The following ZSCAN5A variants were observed in gnomAD, a reference collection of about 807,000 sequenced individuals.
The protein encoded by ZSCAN5A is zinc finger and SCAN domain-containing protein 5A.
A neutral mutation model predicts 23.7 loss-of-function variants in ZSCAN5A; 12 were observed. That is an observed-to-expected ratio of 0.51 (90% confidence interval 0.32 to 0.82). The LOEUF (loss-of-function observed/expected upper bound fraction) is 0.82. Among genes scored for constraint, ZSCAN5A ranks in the 40% least tolerant of loss-of-function variants. The pLI, the probability that ZSCAN5A is intolerant of heterozygous loss-of-function variation, is 0.03. For missense variants in ZSCAN5A, 597 were observed against 617.9 expected (o/e 0.97, Z 0.36); for synonymous variants, 257 against 239.9 (o/e 1.07, Z -0.66).
intron 2 of ZSCAN5A, 90 bp from the exon 3 acceptor site, chr19:56,225,263 TCAG>T: frequency 2.4e-6 from 3 of 1,237,438 alleles, no homozygotes; most frequent in Non-Finnish European, 3.2e-6. Context: ...TGCCACTTCT[TCAG>T]CAGCATCGAA....
chr19:56,321,556 C>G (rs142139993), intron 2 of ZSCAN5A: 22,042 of 756,138 alleles, frequency 0.029, 506 homozygotes, highest in Non-Finnish European at 0.036. Flanking sequence ...TCTTCTTAAG[C>G]AAGCTCACTA....
chr19:56,236,615 C>A (rs373557603), intron 2 of ZSCAN5A, among the ~76,000 whole-genome samples: 2 of 28,624 alleles, frequency 7.0e-5, no homozygotes, highest in Admixed American at 3.5e-4. Flanking sequence ...GTGGGCCAAG[C>A]CTCCACTCCA....
intron 2 of ZSCAN5A, among the ~76,000 whole-genome samples, chr19:56,248,860 G>A (rs1334473782): frequency 6.6e-6 from 1 of 152,076 alleles, no homozygotes; most frequent in Non-Finnish European, 1.5e-5. Flanking sequence ...CGGTGCACCT[G>A]TTCCATCAGT....
At chr19:56,261,603 T>C (rs2037134616) in intron 2 of ZSCAN5A, among the ~76,000 whole-genome samples, 1 of 151,196 alleles carries the variant, frequency 6.6e-6, no homozygotes, top group Non-Finnish European at 1.5e-5. Context: ...CAGGAGCAAA[T>C]TGAGAGAGAG....
At chr19:56,280,169 C>CA (rs2038581311) in intron 2 of ZSCAN5A, among the ~76,000 whole-genome samples, 2 of 152,124 alleles carry the variant, frequency 1.3e-5, no homozygotes, top group South Asian at 4.1e-4. Context: ...TCTATTTTTA[C>CA]AAAAAAGACA....
chr19:56,349,618 T>C (rs924918881), intron 2 of ZSCAN5A, among the ~76,000 whole-genome samples: 4 of 141,114 alleles, frequency 2.8e-5, no homozygotes, highest in Non-Finnish European at 6.0e-5. Flanking sequence ...GGCAGGAGAA[T>C]CGCTTGAACC....
intron 2 of ZSCAN5A, among the ~76,000 whole-genome samples, chr19:56,263,991 A>G (rs1470755638): frequency 1.4e-5 from 2 of 139,268 alleles, no homozygotes; most frequent in African/African-American, 2.8e-5. Flanking sequence ...TTTTTTTGAG[A>G]TGGAATCTCG....
In ZSCAN5A at chr19:56,356,271, G is replaced by C. The variant is rs903234530; in HGVS notation, c.-358+6964C>G. Among the ~76,000 whole-genome samples the C allele has an allele frequency of 6.1e-4, 90 of 148,660 alleles. 9 individuals are homozygous for C. Among genetic ancestry groups the C allele is most frequent in the African/African-American group, 2.1e-3 (81 of 39,418 alleles). On this transcript the variant is annotated intron_variant, in intron 2 of 6. Transcript: ENST00000587340. ...CAGGAAAGTCTGAGCCCCGAACAAAGAGAGCAGCCACCTTTTAAACAATCA... is the reference window on the plus strand; with the variant it reads ...CAGGAAAGTCTGAGCCCCGAACAAACAGAGCAGCCACCTTTTAAACAATCA...
chr19:56,285,599 CAT>C (rs2039048282), intron 2 of ZSCAN5A, among the ~76,000 whole-genome samples: 2 of 152,010 alleles, frequency 1.3e-5, no homozygotes, highest in South Asian at 4.1e-4. Flanking sequence ...GGATTCCTAA[CAT>C]ATTTTGATTT....
chr19:56,287,481 C>G lies in ZSCAN5A; in HGVS notation c.-128+25802G>C, dbSNP rs2039212239. 2.0e-5 allele frequency among the ~76,000 whole-genome samples: 3 copies of G among 152,260 alleles called. No individual in the cohort carries two copies. In the South Asian group the frequency reaches 6.2e-4, roughly 32 times the overall value. On this transcript the variant is annotated intron_variant, in intron 2 of 5. Coordinates refer to ENST00000683990, the MANE Select transcript of ZSCAN5A (RefSeq NM_001322064.3). ...ACAAGCACAATAATTCAGTTCTCCC[C>G]CACTCCCATCCCCCCAAGTCCACCT...
chr19:56,307,129 C>T (rs112309340), intron 2 of ZSCAN5A, among the ~76,000 whole-genome samples: 971 of 92,394 alleles, frequency 0.011, 8 homozygotes, highest in African/African-American at 0.035. Context: ...CCTCCCTGGC[C>T]TCTCCCACGT....
At position 56,272,952 on chromosome 19, in the gene ZSCAN5A, T is replaced by C. The variant is rs572033862; in HGVS notation, c.-128+40331A>G. ...TTCCAGCCATGCCTTGTGTCCTCTA[T>C]GTATTTTCTTACAACTTGGGAGGCT... On this transcript the variant is annotated intron_variant, in intron 2 of 5. Transcript: ENST00000683990. 5.4e-5 allele frequency: 51 copies of C among 943,386 alleles called. No individual in the cohort carries two copies. In the South Asian group the frequency reaches 2.1e-3, roughly 39 times the overall value. The allele number at this position is 943,386 out of a possible 1,614,324, so 58.4% of individuals were successfully genotyped here.
chr19:56,240,043 T>G (rs999772832), intron 2 of ZSCAN5A, among the ~76,000 whole-genome samples: 2 of 151,988 alleles, frequency 1.3e-5, no homozygotes, highest in Non-Finnish European at 2.9e-5. Context: ...GCACCTGTAA[T>G]CCCAGCTACT....
chr19:56,279,896 T>A (rs2038556555), intron 2 of ZSCAN5A, among the ~76,000 whole-genome samples: 1 of 152,152 alleles, frequency 6.6e-6, no homozygotes. Context: ...CAAAACAGTA[T>A]TTACATAAAC....
chr19:56,278,655 C>G (rs1366883700), intron 2 of ZSCAN5A, among the ~76,000 whole-genome samples: 1 of 152,224 alleles, frequency 6.6e-6, no homozygotes, highest in African/African-American at 2.4e-5. Flanking sequence ...GGTCTGCAAG[C>G]TGCAGAACCA....
At chr19:56,354,975 TC>T (rs1292918463) in intron 2 of ZSCAN5A, among the ~76,000 whole-genome samples, 4 of 152,152 alleles carry the variant, frequency 2.6e-5, no homozygotes, top group African/African-American at 9.7e-5. Context: ...CCTGGCTACA[TC>T]CCCAAAACTG....
chr19:56,303,007 G>A (rs552140829), intron 2 of ZSCAN5A: 11 of 396,710 alleles, frequency 2.8e-5, no homozygotes, highest in South Asian at 1.4e-4. Flanking sequence ...AGGCAGTGGC[G>A]CTTATCTCAG....
intron 2 of ZSCAN5A, among the ~76,000 whole-genome samples, chr19:56,303,370 C>T (rs908165738): frequency 7.9e-5 from 12 of 151,600 alleles, no homozygotes; most frequent in African/African-American, 2.9e-4. Context: ...CCCAGCTGCT[C>T]GGGAGGCTGA....
intron 2 of ZSCAN5A, among the ~76,000 whole-genome samples, chr19:56,298,583 G>A (rs2040030634): frequency 6.6e-6 from 1 of 151,740 alleles, no homozygotes; most frequent in African/African-American, 2.4e-5. Context: ...AACCTGGGAG[G>A]CGGAAGCTGC....
Sources: allele counts gnomAD v4.1 joint callset (sites outside exome capture counted in the v4.1 genomes callset), GRCh38; gene constraint gnomAD v4.1.1; transcripts MANE v1.5; gene names NCBI Gene and HGNC (gene_info 2026-07-23, HGNC 2026-07-21).